The following CD99 variants were observed in gnomAD, a reference collection of about 807,000 sequenced individuals.
The protein encoded by CD99 is CD99 antigen.
A neutral mutation model predicts 28.4 loss-of-function variants in CD99; 19 were observed. The observed-to-expected ratio is 0.67, with a 90% CI of 0.47 to 0.98. The LOEUF (loss-of-function observed/expected upper bound fraction) is 0.98. Ranked by LOEUF, CD99 falls within the 50% of genes least tolerant of loss-of-function variation. The probability of loss-of-function intolerance (pLI) is 0.00; values close to 1 mark genes in which losing one functional copy is unlikely to be tolerated. For synonymous variants in CD99, 103 were observed against 92.1 expected (o/e 1.12, Z -0.67); for missense variants, 283 against 248.8 (o/e 1.14, Z -0.92).
At chrX:2,709,479 A>G (rs1289251666) in intron 1 of CD99, among the ~76,000 whole-genome samples, 2 of 152,246 alleles carry the variant, frequency 1.3e-5, no homozygotes, top group Non-Finnish European at 2.9e-5. Flanking sequence ...ACACATGCAA[A>G]CAGGTGTGCA....
intron 6 of CD99, 125 bp from the exon 7 acceptor site, chrX:2,723,189 G>A: frequency 1.1e-6 from 1 of 951,414 alleles, no homozygotes; most frequent in Non-Finnish European, 1.7e-6. Context: ...CCCCAGCTCT[G>A]TAGCTGGGTA....
intron 3 of CD99, chrX:2,717,936 CCTTT>C: frequency 6.4e-6 from 2 of 313,634 alleles, no homozygotes; most frequent in South Asian, 7.0e-5. Flanking sequence ...GATTTTCTTC[CCTTT>C]TTTTTTTTTT....
intron 9 of CD99, among the ~76,000 whole-genome samples, chrX:2,740,120 AAGTT>A (rs1425275144): frequency 4.8e-4 from 73 of 151,696 alleles, no homozygotes; most frequent in Non-Finnish European, 1.3e-4. Flanking sequence ...TAATAAAAGA[AAGTT>A]AGTGTCTTGT....
Position 2,726,237 on chromosome X carries a change from A to G in CD99, c.362-23A>G, listed in dbSNP as rs1416581449. The G allele has an allele frequency of 6.9e-6, 10 of 1,459,250 alleles. No homozygotes were observed. In the Admixed American group the frequency reaches 1.7e-4, roughly 24 times the overall value. The allele number at this position is 1,459,250 out of a possible 1,614,324, so 90.4% of individuals were successfully genotyped here. On this transcript the variant is annotated intron_variant, in intron 7 of 9. Transcript: ENST00000381192. ...CTGCACCGTGCGTGTCTCAATCACGATGCTGTGTGCTTCCTCCTGCAGCCG... is the reference window on the plus strand; with the variant it reads ...CTGCACCGTGCGTGTCTCAATCACGGTGCTGTGTGCTTCCTCCTGCAGCCG...
intron 8 of CD99, among the ~76,000 whole-genome samples, chrX:2,732,986 A>G (rs1196280306): frequency 1.0e-5 from 1 of 97,536 alleles, no homozygotes; most frequent in South Asian, 3.1e-4. Context: ...TCCCTGCTTC[A>G]CTTCTTCCTC....
At chrX:2,720,192 T>C (rs1603281291) in intron 4 of CD99, 164 bp from the exon 5 acceptor site, 3 of 156,192 alleles carry the variant, frequency 1.9e-5, no homozygotes, top group African/African-American at 7.2e-5. Flanking sequence ...TGGCTGAAAG[T>C]TGATGGGAGG....
chrX:2,724,580 C>T (rs748728807), intron 7 of CD99, among the ~76,000 whole-genome samples: 20 of 152,082 alleles, frequency 1.3e-4, no homozygotes, highest in African/African-American at 4.6e-4. Flanking sequence ...ACCAGCCTGG[C>T]CAACATGGTG....
At chrX:2,727,321 T>G in intron 8 of CD99, 1 of 779,350 alleles carries the variant, frequency 1.3e-6, no homozygotes, top group Non-Finnish European at 2.4e-6. Flanking sequence ...TGGGACCTTG[T>G]ATTGGGATCC....
At chrX:2,713,982 T>G (rs1306437671) in intron 1 of CD99, among the ~76,000 whole-genome samples, 1 of 152,224 alleles carries the variant, frequency 6.6e-6, no homozygotes, top group Non-Finnish European at 1.5e-5. Flanking sequence ...TTTTTTTTAA[T>G]GCATAATGCA....
intron 2 of CD99, chrX:2,714,661 A>G (rs1456720778): frequency 2.2e-6 from 1 of 445,518 alleles, no homozygotes; most frequent in Non-Finnish European, 4.1e-6. Context: ...CTCTAAAAAC[A>G]GTATACTCCA....
chrX:2,733,356 G>C, intron 8 of CD99: 1 of 1,589,058 alleles, frequency 6.3e-7, no homozygotes, highest in South Asian at 1.1e-5. Flanking sequence ...TTCCATTTCA[G>C]ATGGCTGAAG....
In CD99 at chrX:2,694,266, T is replaced by C. The variant is rs183542284; in HGVS notation, c.67+2839T>C. Among the ~76,000 whole-genome samples the C allele has an allele frequency of 5.0e-3, 751 of 150,958 alleles. 8 individuals carry two copies. Among genetic ancestry groups the C allele is most frequent in the African/African-American group, 0.018 (721 of 40,894 alleles). On this transcript the variant is annotated intron_variant, in intron 1 of 9. Coordinates refer to ENST00000381192, the MANE Select transcript of CD99 (RefSeq NM_002414.5). ...GATTCCCTCGCCCCAGTAGAGCAAGTGTGGGCTTCGTTGTTTTTTTTTTTT... is the reference window on the plus strand; with the variant it reads ...GATTCCCTCGCCCCAGTAGAGCAAGCGTGGGCTTCGTTGTTTTTTTTTTTT...
intron 1 of CD99, among the ~76,000 whole-genome samples, chrX:2,702,898 C>T (rs1230333771): frequency 6.6e-6 from 1 of 152,130 alleles, no homozygotes; most frequent in African/African-American, 2.4e-5. Context: ...TCTCCTGCCT[C>T]AGCCTCCCGA....
In CD99 at chrX:2,715,964, G is replaced by C. The variant is rs1226311147; in HGVS notation, c.100+1510G>C. Among the ~76,000 whole-genome samples the C allele has an allele frequency of 2.6e-5, 4 of 152,118 alleles. No individual in the cohort carries two copies. In the South Asian group the frequency reaches 6.2e-4, roughly 24 times the overall value. On this transcript the variant is annotated intron_variant, in intron 2 of 9. Transcript: ENST00000381192. ...AAGTAAGATCACCTATTGAGGTTTG[G>C]GGTGGGTGTGGATCTTGGAGGAATG...
At chrX:2,735,342 G>T (rs2049880027) in intron 8 of CD99, among the ~76,000 whole-genome samples, 2 of 152,208 alleles carry the variant, frequency 1.3e-5, no homozygotes, top group African/African-American at 4.8e-5. Flanking sequence ...ATTGTTTGAA[G>T]TTGACTTGTC....
At chrX:2,720,211 A>G (rs2048927153) in intron 4 of CD99, 145 bp from the exon 5 acceptor site, 1 of 666,504 alleles carries the variant, frequency 1.5e-6, no homozygotes, top group South Asian at 1.9e-5. Context: ...GGAAACTGGC[A>G]GGAGACTGTG....
intron 7 of CD99, 83 bp downstream of exon 7, chrX:2,723,447 T>A: frequency 3.3e-6 from 5 of 1,492,726 alleles, no homozygotes; most frequent in Non-Finnish European, 4.7e-6. Context: ...GCTGGCGGAC[T>A]GCACTGGCAT....
intron 8 of CD99, among the ~76,000 whole-genome samples, chrX:2,736,966 C>T (rs979607626): frequency 1.4e-4 from 22 of 151,874 alleles, no homozygotes; most frequent in African/African-American, 5.3e-4. Context: ...CACAAGACGC[C>T]TTGGCTGTCT....
rs2048902809 is a variant in CD99, at chrX:2,719,656, T to C, written c.149-5T>C. On this transcript the variant is annotated splice_region_variant and splice_polypyrimidine_tract_variant and intron_variant, in intron 3 of 9. Transcript: ENST00000381192. ...TGGTATTAACTGCTCTTTCCCCTCT[T>C]TTAGGGGATGACTTTGACTTAGGAG... 6.2e-7 allele frequency: 1 copy of C among 1,613,286 alleles called. No individual in the cohort carries two copies. Among genetic ancestry groups the C allele is most frequent in the African/African-American group, 1.3e-5 (1 of 75,024 alleles).
Sources: allele counts gnomAD v4.1 joint callset (sites outside exome capture counted in the v4.1 genomes callset), GRCh38; gene constraint gnomAD v4.1.1; transcripts MANE v1.5; gene names NCBI Gene and HGNC (gene_info 2026-07-23, HGNC 2026-07-21).